Variants in EPS15L1 observed in about 807,000 individuals in gnomAD.
EPS15L1 encodes the protein epidermal growth factor receptor substrate 15-like 1.
EPS15L1 carries 43 observed loss-of-function variants against 117.1 expected under a neutral mutation model. The observed-to-expected ratio is 0.37, with a 90% CI of 0.29 to 0.47. EPS15L1 has a LOEUF of 0.47. Ranked by LOEUF, EPS15L1 falls within the 20% of genes least tolerant of loss-of-function variation. The pLI, the probability that EPS15L1 is intolerant of heterozygous loss-of-function variation, is 0.99. For synonymous variants in EPS15L1, 459 were observed against 470.5 expected, an observed-to-expected ratio of 0.98 and a Z score of 0.32; for missense variants, 981 against 1,164.0, an observed-to-expected ratio of 0.84 and a Z score of 2.29.
rs541812301 is a variant in EPS15L1 at position 16,383,383 on chromosome 19, C to G, written c.2247+1746G>C. On this transcript the variant is annotated intron_variant, in intron 21 of 23. Transcript: ENST00000455140. This position sits in a 1 kb window ranked among gnomAD's most constrained non-coding sequence, Gnocchi z 5.2. ...GAGGAGGAAGACAGATCCAGCCTCC[C>G]AAAGGAAGAGGAGTCCACTTGCGAC... is the stretch of plus-strand genomic sequence containing the variant. 6.6e-6 allele frequency: 1 copy of G among 152,304 alleles called. No individual in the cohort carries two copies. The highest frequency in any genetic ancestry group is 1.9e-4 in the East Asian group (1 of 5,184). 9.4% of individuals were successfully genotyped at this position (152,304 alleles called of 1,614,324 possible).
chr19:16,461,670 G>C (rs2093253446), intron 1 of EPS15L1, among the ~76,000 whole-genome samples: 1 of 152,076 alleles, frequency 6.6e-6, no homozygotes, highest in Non-Finnish European at 1.5e-5. Context: ...CTACAGATTG[G>C]CGTAATGACA....
intron 3 of EPS15L1, 144 bp downstream of exon 3, chr19:16,441,748 T>A (rs987486685): frequency 1.8e-6 from 1 of 566,058 alleles, no homozygotes; most frequent in Non-Finnish European, 3.1e-6. Context: ...ATCCACCAGC[T>A]GCAGCCTGAG....
chr19:16,468,734 C>T (rs1232921849), intron 1 of EPS15L1, among the ~76,000 whole-genome samples: 1 of 151,864 alleles, frequency 6.6e-6, no homozygotes, highest in Admixed American at 6.6e-5. Context: ...GAATCCTAGC[C>T]AGATGCAGTG....
At chr19:16,463,471 G>A (rs773142702) in intron 1 of EPS15L1, among the ~76,000 whole-genome samples, 18 of 152,040 alleles carry the variant, frequency 1.2e-4, no homozygotes, top group East Asian at 1.9e-4. Context: ...AGACTGTCTC[G>A]GAGCTAGAAC....
intron 9 of EPS15L1, among the ~76,000 whole-genome samples, chr19:16,423,308 G>A (rs2092836188): frequency 6.6e-6 from 1 of 152,140 alleles, no homozygotes; most frequent in Non-Finnish European, 1.5e-5. Context: ...GCTCATGCCT[G>A]TAATCTCAGC....
At position 16,364,349 on chromosome 19, in the gene EPS15L1, T is replaced by G. The variant is rs148723012; in HGVS notation, c.2381-2365A>C. 4.9e-3 allele frequency among the ~76,000 whole-genome samples: 753 copies of G among 152,232 alleles called. 3 individuals are homozygous for G. The highest frequency in any genetic ancestry group is 0.017 in the African/African-American group (699 of 41,528). ...GCGGGCAGGACAGGAATGTGGCCCCTCTCCTTCCGACAGCGCCTGCCCTCT... is the reference window on the plus strand; with the variant it reads ...GCGGGCAGGACAGGAATGTGGCCCCGCTCCTTCCGACAGCGCCTGCCCTCT... On this transcript the variant is annotated intron_variant, in intron 22 of 23. Coordinates refer to ENST00000455140, the MANE Select transcript of EPS15L1 (RefSeq NM_001258374.3).
intron 13 of EPS15L1, 145 bp downstream of exon 13, chr19:16,413,627 CA>C (rs1034046680): frequency 3.1e-6 from 2 of 644,498 alleles, no homozygotes; most frequent in East Asian, 3.0e-5. Context: ...AAAAAAAAAA[CA>C]AAAACTTCAT....
chr19:16,371,963 T>C lies in EPS15L1; in HGVS notation c.2380+5159A>G, dbSNP rs568029322. ...CAGCCTGCCGGGTCTGTGCTGCATCTGCCTGAAAGAAACCAGTTTCTTCTG... is the reference window on the plus strand; with the variant it reads ...CAGCCTGCCGGGTCTGTGCTGCATCCGCCTGAAAGAAACCAGTTTCTTCTG... On this transcript the variant is annotated intron_variant, in intron 22 of 23. Coordinates refer to ENST00000455140, the MANE Select transcript of EPS15L1 (RefSeq NM_001258374.3). The surrounding 1 kb of genome is among the most constrained non-coding windows in gnomAD (Gnocchi z 4.7). Among the ~76,000 whole-genome samples, 2 of 152,348 alleles carry C rather than the reference T, an allele frequency of 1.3e-5. No individual in the cohort carries two copies. The highest frequency in any genetic ancestry group is 3.4e-3 in the Middle Eastern group (1 of 294).
At position 16,452,056 on chromosome 19, in the gene EPS15L1, T is replaced by C. The variant is rs1037452169; in HGVS notation, c.34-9837A>G. Among the ~76,000 whole-genome samples the C allele has an allele frequency of 6.6e-5, 10 of 151,474 alleles. 1 individual carries two copies. Among genetic ancestry groups the C allele is most frequent in the Middle Eastern group, 3.2e-3 (1 of 312 alleles). On this transcript the variant is annotated intron_variant, in intron 1 of 23. Coordinates refer to ENST00000455140, the MANE Select transcript of EPS15L1 (RefSeq NM_001258374.3). ...CTGGAGGCTGAGGCAGGAGAAATGC[T>C]TAAACCCAGGAGGCGTAGGTTGCAG...
chr19:16,424,216 A>T (rs544689271), intron 9 of EPS15L1, among the ~76,000 whole-genome samples: 57 of 152,114 alleles, frequency 3.7e-4, no homozygotes, highest in Non-Finnish European at 7.5e-4. Flanking sequence ...TGGCCTGGAG[A>T]TGAGGAAGTT....
At chr19:16,391,920 C>T (rs989297687) in intron 19 of EPS15L1, among the ~76,000 whole-genome samples, 3 of 151,800 alleles carry the variant, frequency 2.0e-5, no homozygotes, top group Non-Finnish European at 2.9e-5. Context: ...CGGGTCCATG[C>T]GAGCATGTGG....
intron 1 of EPS15L1, among the ~76,000 whole-genome samples, chr19:16,465,886 T>C (rs544475517): frequency 6.6e-6 from 1 of 151,834 alleles, no homozygotes; most frequent in Admixed American, 6.6e-5. Flanking sequence ...TATGGTGCAA[T>C]GAAGAGGCCT....
chr19:16,385,089 A>G (rs776743960), intron 21 of EPS15L1, 40 bp downstream of exon 21: 3 of 1,503,636 alleles, frequency 2.0e-6, no homozygotes, highest in Non-Finnish European at 2.8e-6. Context: ...AGGCACAAAG[A>G]CACTAGCAGA....
chr19:16,418,163 A>G, intron 10 of EPS15L1, 59 bp from the exon 11 acceptor site: 1 of 1,545,698 alleles, frequency 6.5e-7, no homozygotes, highest in Non-Finnish European at 8.8e-7. Context: ...GCCTGAACCC[A>G]AGTCACCGAT....
chr19:16,395,981 A>G (rs1216975700), intron 16 of EPS15L1, among the ~76,000 whole-genome samples: 4 of 150,662 alleles, frequency 2.7e-5, no homozygotes, highest in Non-Finnish European at 5.9e-5. Context: ...GGTGGCGTGT[A>G]CCTATAATCC....
intron 13 of EPS15L1, chr19:16,413,022 A>G: frequency 1.4e-6 from 1 of 734,474 alleles, no homozygotes; most frequent in Non-Finnish European, 2.4e-6. Context: ...TTTGAAGATT[A>G]TGCCAGTGCA....
chr19:16,418,438 CT>C (rs1436285408), intron 10 of EPS15L1, among the ~76,000 whole-genome samples: 2 of 152,236 alleles, frequency 1.3e-5, no homozygotes, highest in Non-Finnish European at 2.9e-5. Context: ...GGGGCAGGCT[CT>C]GATGCTGCAG....
rs2092900091 is a variant in EPS15L1 at position 16,428,578 on chromosome 19, G to T, written c.558+124C>A. On this transcript the variant is annotated intron_variant, in intron 8 of 23. Transcript: ENST00000455140. ...AAAGGAAAAGAAAGGAAAAGGAAAG[G>T]AAAAGAAAAGAAAAGAAAAGAAAAA... 5 of 635,548 alleles carry T rather than the reference G, an allele frequency of 7.9e-6. No individual in the cohort carries two copies. The South Asian group carries it at 1.0e-4, about 13-fold the overall frequency. 39.4% of individuals were successfully genotyped at this position (635,548 alleles called of 1,614,324 possible).
intron 1 of EPS15L1, among the ~76,000 whole-genome samples, chr19:16,445,796 C>T (rs918842744): frequency 6.6e-6 from 1 of 152,178 alleles, no homozygotes; most frequent in African/African-American, 2.4e-5. Flanking sequence ...GGGGACGCAC[C>T]AGGGGATGAG....
Sources: allele counts gnomAD v4.1 joint callset (sites outside exome capture counted in the v4.1 genomes callset), GRCh38; gene constraint gnomAD v4.1.1; non-coding constraint Gnocchi (gnomAD v3.1); transcripts MANE v1.5; gene names NCBI Gene and HGNC (gene_info 2026-07-23, HGNC 2026-07-21).